USP38: variants seen among roughly 807,000 people sequenced by gnomAD.
USP38 encodes ubiquitin specific peptidase 38.
Under a neutral mutation model 94.3 loss-of-function variants are expected in USP38, and 49 were observed. That is an observed-to-expected ratio of 0.52 (90% CI 0.41 to 0.66). The LOEUF is 0.66. Among genes scored for constraint, USP38 ranks in the 30% least tolerant of loss-of-function variants. The pLI is 0.00. For synonymous variants in USP38, 468 were observed against 463.6 expected, an observed-to-expected ratio of 1.01 and a Z score of -0.12; for missense variants, 1,128 against 1,229.4, an observed-to-expected ratio of 0.92 and a Z score of 1.23.
intron 3 of USP38, among the ~76,000 whole-genome samples, chr4:143,197,080 C>G (rs1019497054): frequency 7.2e-5 from 11 of 152,190 alleles, no homozygotes; most frequent in African/African-American, 2.7e-4. Flanking sequence ...CACTTTTTCT[C>G]TAGTCCCATT....
chr4:143,197,188 C>T (rs571958510), intron 3 of USP38, among the ~76,000 whole-genome samples: 8 of 152,346 alleles, frequency 5.3e-5, no homozygotes. Context: ...CTTTGCAATG[C>T]CGTTTGCCCT....
rs1318886849 is a variant in USP38 at position 143,214,781 on chromosome 4, G to A, written c.2805G>A (p.Arg935=). ...SFQSVQKITS[R]FPKDTAYVLL... is the part of the protein sequence containing the mutation. ...AGTCAGTCCAGAAAATTACGAGCAG[G>A]TTTCCAAAGGACACAGCTTATGTGC... Residue 935 remains arginine (R), a synonymous_variant, in exon 9 of 10, where the codon AGG becomes AGA. Coordinates refer to ENST00000307017, the MANE Select transcript of USP38 (RefSeq NM_032557.6). The A allele has an allele frequency of 1.2e-6, 2 of 1,613,622 alleles. No homozygotes were observed. The highest frequency in any genetic ancestry group is 1.3e-5 in the African/African-American group (1 of 74,886).
chr4:143,213,604 T>C lies in USP38; in HGVS notation c.1628T>C (p.Leu543Ser). The change falls in exon 9 of 10, where the codon TTG (leucine) becomes TCG (serine). Residue 543 changes from leucine (L) to serine (S), a missense_variant. Coordinates refer to ENST00000307017, the MANE Select transcript of USP38 (RefSeq NM_032557.6). ...LDRLHEEEKI[L>S]KVQASHKPSE... Reference sequence around the variant, plus strand: ...AGGCTCCATGAAGAAGAAAAGATCTTGAAAGTTCAGGCCTCACACAAGCCT... The same window carrying C: ...AGGCTCCATGAAGAAGAAAAGATCTCGAAAGTTCAGGCCTCACACAAGCCT... 6.2e-7 allele frequency: 1 copy of C among 1,606,664 alleles called. No individual in the cohort carries two copies. Among genetic ancestry groups the C allele is most frequent in the Non-Finnish European group, 8.5e-7 (1 of 1,177,580 alleles).
chr4:143,201,095 G>A (rs1731702766), intron 4 of USP38, among the ~76,000 whole-genome samples: 1 of 152,178 alleles, frequency 6.6e-6, no homozygotes, highest in Non-Finnish European at 1.5e-5. Flanking sequence ...AAAGAACAAA[G>A]CTGGAGCCAT....
At chr4:143,210,264 G>A (rs1731985990) in intron 7 of USP38, among the ~76,000 whole-genome samples, 1 of 152,132 alleles carries the variant, frequency 6.6e-6, no homozygotes, top group South Asian at 2.1e-4. Flanking sequence ...TTTATTAAGA[G>A]ACGCTATATG....
At chr4:143,200,058 G>A (rs1731667992) in intron 4 of USP38, among the ~76,000 whole-genome samples, 4 of 152,014 alleles carry the variant, frequency 2.6e-5, no homozygotes, top group Admixed American at 2.6e-4. Context: ...TGTCCAGGAT[G>A]GTATTGCCTA....
In USP38 at chr4:143,186,118, G is replaced by C; in HGVS notation, c.668G>C (p.Ser223Thr). The stretch of plus-strand genomic sequence containing the variant: ...CCTTCCCTGCAAGAAGTTTTTGCAA[G>C]CATCTCTTCCACAGGTAAGGGTCAT... ...LLPSLQEVFASISSTDASFEP... is the reference protein window; with the variant it reads ...LLPSLQEVFATISSTDASFEP... The change falls in exon 1 of 10, where the codon AGC becomes ACC. Residue 223 changes from serine (S) to threonine (T), a missense_variant. Transcript: ENST00000307017. The C allele has an allele frequency of 6.2e-7, 1 of 1,614,018 alleles. No individual in the cohort carries two copies. Among genetic ancestry groups the C allele is most frequent in the Non-Finnish European group, 8.5e-7 (1 of 1,179,944 alleles).
rs1731966630 is a variant in USP38 at position 143,209,592 on chromosome 4, C to A, written c.1432C>A (p.Leu478Ile). 6.2e-7 allele frequency: 1 copy of A among 1,604,022 alleles called. No individual in the cohort carries two copies. Among genetic ancestry groups the A allele is most frequent in the East Asian group, 2.2e-5 (1 of 44,692 alleles). ...DFRRQVLSLN[L>I]NGCNSLMKKL... ...CAGGAGACAAGTATTATCTTTAAAT[C>A]TAAATGGGTGCAATTCATTAATGAA... The change falls in exon 7 of 10, where the codon CTA (leucine) becomes ATA (isoleucine). Residue 478 changes from leucine (L) to isoleucine (I), a missense_variant. Transcript: ENST00000307017.
At chr4:143,213,414 T>C (rs1452228131) in intron 8 of USP38, among the ~76,000 whole-genome samples, 167 bp from the exon 9 acceptor site, 2 of 152,188 alleles carry the variant, frequency 1.3e-5, no homozygotes, top group Non-Finnish European at 2.9e-5. Flanking sequence ...CAGCTTTTTT[T>C]CTGCATTCTC....
At chr4:143,195,913 G>T in intron 3 of USP38, 68 bp downstream of exon 3, 2 of 1,401,164 alleles carry the variant, frequency 1.4e-6, no homozygotes, top group Non-Finnish European at 1.9e-6. Context: ...TTCTTTGGGT[G>T]GTATCCTTGA....
intron 7 of USP38, among the ~76,000 whole-genome samples, chr4:143,211,306 T>C (rs1017720977): frequency 2.6e-5 from 4 of 152,298 alleles, no homozygotes; most frequent in African/African-American, 7.2e-5. Context: ...TTTTTTCTTA[T>C]AATTAATAAA....
Position 143,213,570 on chromosome 4 carries a change from C to T in USP38, c.1605-11C>T. The T allele has an allele frequency of 6.3e-7, 1 of 1,578,346 alleles. No individual in the cohort carries two copies. Among genetic ancestry groups the T allele is most frequent in the Non-Finnish European group, 8.6e-7 (1 of 1,166,984 alleles). ...ATTTAAGTAGCTATATAATGATATCCTCTGCTGCAGGCTCCATGAAGAAGA... is the reference window on the plus strand; with the variant it reads ...ATTTAAGTAGCTATATAATGATATCTTCTGCTGCAGGCTCCATGAAGAAGA... On this transcript the variant is annotated splice_polypyrimidine_tract_variant and intron_variant, in intron 8 of 9. Coordinates refer to ENST00000307017, the MANE Select transcript of USP38 (RefSeq NM_032557.6).
intron 2 of USP38, among the ~76,000 whole-genome samples, chr4:143,192,218 T>G (rs780367971): frequency 4.6e-5 from 7 of 152,212 alleles, no homozygotes; most frequent in Non-Finnish European, 1.0e-4. Flanking sequence ...TCTTAGTCTG[T>G]TTGGGCTACT....
chr4:143,221,657 G>T lies in USP38; in HGVS notation c.*1201G>T, dbSNP rs1439174657. 2.0e-5 allele frequency: 3 copies of T among 152,038 alleles called. No individual in the cohort carries two copies. In the East Asian group the frequency reaches 5.8e-4, roughly 29 times the overall value. 9.4% of individuals were successfully genotyped at this position (152,038 alleles called of 1,614,324 possible). On this transcript the variant is annotated 3_prime_UTR_variant, in exon 10 of 10. Transcript: ENST00000307017. ...AAACATGTCAGTTCTCCTGGTTCTT[G>T]ATTATACAGTACTCAAGAGTTATCC...
At chr4:143,189,068 A>G (rs1731316896) in intron 2 of USP38, among the ~76,000 whole-genome samples, 1 of 152,024 alleles carries the variant, frequency 6.6e-6, no homozygotes, top group African/African-American at 2.4e-5. Flanking sequence ...GTAGACAGGA[A>G]GGGGGACAGG....
chr4:143,214,823 G>T lies in USP38; in HGVS notation c.2847G>T (p.Gln949His), dbSNP rs375904022. ...DTAYVLLYKK[Q>H]HSTNGLSGNN... Reference sequence around the variant, plus strand: ...CTTATGTGCTTTTGTATAAAAAACAGCATAGTACTAATGGTTTAAGTGGTA... The same window carrying T: ...CTTATGTGCTTTTGTATAAAAAACATCATAGTACTAATGGTTTAAGTGGTA... Residue 949 changes from glutamine (Q) to histidine (H), a missense_variant, in exon 9 of 10, where the codon CAG (glutamine) becomes CAT (histidine). Gln to His is a conservative substitution (Grantham distance 24, BLOSUM62 0). Coordinates refer to ENST00000307017, the MANE Select transcript of USP38 (RefSeq NM_032557.6). 1.2e-6 allele frequency: 2 copies of T among 1,613,560 alleles called. No individual in the cohort carries two copies. Among genetic ancestry groups the T allele is most frequent in the Non-Finnish European group, 1.7e-6 (2 of 1,179,772 alleles).
chr4:143,220,252 G>A (rs1316856241), intron 9 of USP38, 43 bp from the exon 10 acceptor site: 16 of 1,566,690 alleles, frequency 1.0e-5, no homozygotes, highest in Non-Finnish European at 1.4e-5. Context: ...ACGATCCATT[G>A]TATTTAGCAT....
Position 143,197,822 on chromosome 4 carries a change from G to A in USP38, c.949-1G>A. On this transcript the variant is annotated splice_acceptor_variant, in intron 3 of 9. Coordinates refer to ENST00000307017, the MANE Select transcript of USP38 (RefSeq NM_032557.6). LOFTEE classifies it high-confidence loss of function. Reference sequence around the variant, plus strand: ...AGAAGGTGTCTTGTCTTATTTTGAAGGTTTTTAATCGACTTTGGTTTCCTC... The same window carrying A: ...AGAAGGTGTCTTGTCTTATTTTGAAAGTTTTTAATCGACTTTGGTTTCCTC... 6.8e-6 allele frequency: 11 copies of A among 1,608,360 alleles called. No individual in the cohort carries two copies. Among genetic ancestry groups the A allele is most frequent in the Non-Finnish European group, 9.4e-6 (11 of 1,176,254 alleles).
Position 143,209,674 on chromosome 4 carries a change from A to T in USP38, c.1497+17A>T. The T allele has an allele frequency of 6.6e-7, 1 of 1,505,020 alleles. No individual in the cohort carries two copies. Among genetic ancestry groups the T allele is most frequent in the East Asian group, 2.3e-5 (1 of 43,922 alleles). The allele number at this position is 1,505,020 out of a possible 1,614,324, so 93.2% of individuals were successfully genotyped here. A position where few individuals can be genotyped will look rare whatever the true frequency, so the allele number is the denominator to read the frequency against. Reference sequence around the variant, plus strand: ...CATACACAGGTGAGTGTGTATGTGTATATAGTACGTTTATGTTAACTGCGT... The same window carrying T: ...CATACACAGGTGAGTGTGTATGTGTTTATAGTACGTTTATGTTAACTGCGT... On this transcript the variant is annotated intron_variant, in intron 7 of 9. Coordinates refer to ENST00000307017, the MANE Select transcript of USP38 (RefSeq NM_032557.6).
Sources: gnomAD v4.1 joint callset for allele counts (sites outside exome capture counted in the v4.1 genomes callset) on GRCh38, gnomAD v4.1.1 for gene constraint, MANE v1.5 for transcripts, NCBI Gene and HGNC (gene_info 2026-07-23, HGNC 2026-07-21) for gene names.